The following NEGR1 variants were observed in gnomAD, a reference collection of about 807,000 sequenced individuals.
NEGR1 encodes the protein IgLON family member 4.
NEGR1 carries 10 observed loss-of-function variants against 40.9 expected under a neutral mutation model. That is an observed-to-expected ratio of 0.24 (90% CI 0.15 to 0.42). The LOEUF (loss-of-function observed/expected upper bound fraction) is 0.42. Among genes scored for constraint, NEGR1 ranks in the 10% least tolerant of loss-of-function variants. The probability of loss-of-function intolerance (pLI) is 1.00; values close to 1 mark genes in which losing one functional copy is unlikely to be tolerated. For synonymous variants in NEGR1, 185 were observed against 166.8 expected (o/e 1.11, Z -0.84); for missense variants, 352 against 438.9 (o/e 0.80, Z 1.77).
intron 1 of NEGR1, among the ~76,000 whole-genome samples, chr1:72,154,304 G>A (rs1305777123): frequency 6.6e-6 from 1 of 151,810 alleles, no homozygotes; most frequent in Non-Finnish European, 1.5e-5. Flanking sequence ...TTCAAATCAA[G>A]ACCCCTCCCC....
At chr1:72,020,270 G>A (rs918067302) in intron 1 of NEGR1, among the ~76,000 whole-genome samples, 1 of 152,110 alleles carries the variant, frequency 6.6e-6, no homozygotes, top group Non-Finnish European at 1.5e-5. Flanking sequence ...CTGAACACTT[G>A]CTTATCTGGA....
intron 1 of NEGR1, among the ~76,000 whole-genome samples, chr1:72,089,797 T>C (rs1459585930): frequency 6.6e-6 from 1 of 152,182 alleles, no homozygotes; most frequent in African/African-American, 2.4e-5. Context: ...GATTAAATTA[T>C]GGACTATTAA....
At chr1:71,667,603 A>G (rs1652286054) in intron 4 of NEGR1, among the ~76,000 whole-genome samples, 1 of 152,218 alleles carries the variant, frequency 6.6e-6, no homozygotes, top group African/African-American at 2.4e-5. Context: ...ATAGTCTTTT[A>G]CTTCATAATT....
chr1:72,188,916 T>C (rs537295413), intron 1 of NEGR1, among the ~76,000 whole-genome samples: 1 of 151,722 alleles, frequency 6.6e-6, no homozygotes, highest in Non-Finnish European at 1.5e-5. Context: ...AGGGATTAAT[T>C]CTTAACCTTT....
intron 1 of NEGR1, among the ~76,000 whole-genome samples, chr1:72,252,489 C>T (rs1655135418): frequency 6.6e-6 from 1 of 152,184 alleles, no homozygotes; most frequent in Non-Finnish European, 1.5e-5. Flanking sequence ...CCTAAAACCA[C>T]AAATTTGGTT....
chr1:71,582,334 A>C (rs891484276), intron 6 of NEGR1, among the ~76,000 whole-genome samples: 25 of 152,196 alleles, frequency 1.6e-4, no homozygotes, highest in African/African-American at 6.0e-4. Flanking sequence ...AATCTTATAA[A>C]ATATTTTGGA....
intron 2 of NEGR1, among the ~76,000 whole-genome samples, chr1:71,864,553 G>A (rs1265022464): frequency 1.3e-5 from 2 of 152,110 alleles, no homozygotes; most frequent in Non-Finnish European, 2.9e-5. Context: ...GTGAAAAGGT[G>A]GCAGATGGCA....
chr1:71,527,164 G>C (rs370440652), intron 6 of NEGR1, among the ~76,000 whole-genome samples: 1 of 151,548 alleles, frequency 6.6e-6, no homozygotes, highest in Admixed American at 6.6e-5. Flanking sequence ...CTCATTCATT[G>C]AAATGTGAGA....
intron 1 of NEGR1, among the ~76,000 whole-genome samples, chr1:72,252,453 A>C (rs1655134050): frequency 1.3e-5 from 2 of 152,208 alleles, no homozygotes; most frequent in South Asian, 2.1e-4. Context: ...AAGCTCAAAA[A>C]TATTTCAAAC....
Position 71,914,476 on chromosome 1 carries a change from A to C in NEGR1, c.409+20603T>G, listed in dbSNP as rs1661515671. Reference sequence around the variant, plus strand: ...CCAGGTAATGAAAACCAGATACTTTAAATTATTTCCATTCATTTGATCATC... The same window carrying C: ...CCAGGTAATGAAAACCAGATACTTTCAATTATTTCCATTCATTTGATCATC... On this transcript the variant is annotated intron_variant, in intron 2 of 6. Transcript: ENST00000357731. 2.6e-5 allele frequency among the ~76,000 whole-genome samples: 4 copies of C among 152,198 alleles called. No individual in the cohort carries two copies. In the South Asian group the frequency reaches 8.3e-4, roughly 31 times the overall value.
At chr1:71,735,812 C>G (rs1211487253) in intron 3 of NEGR1, among the ~76,000 whole-genome samples, 1 of 151,882 alleles carries the variant, frequency 6.6e-6, no homozygotes, top group African/African-American at 2.4e-5. Flanking sequence ...AGGGCCACAA[C>G]TGAAGGTGAG....
At position 71,711,229 on chromosome 1, in the gene NEGR1, C is replaced by T. The variant is rs1654072696; in HGVS notation, c.536-13090G>A. On this transcript the variant is annotated intron_variant, in intron 3 of 6. Coordinates refer to ENST00000357731, the MANE Select transcript of NEGR1 (RefSeq NM_173808.3). ...GTGCGGTGCCAGGCGCCTGCAGTCC[C>T]AGCTACGCGGGAGGCTGAGGCAGGA... Among the ~76,000 whole-genome samples the T allele has an allele frequency of 2.0e-5, 3 of 149,782 alleles. No individual in the cohort carries two copies. The South Asian group carries it at 6.3e-4, about 32-fold the overall frequency.
At chr1:71,461,515 A>G (rs1360356590) in intron 6 of NEGR1, 1 of 152,190 alleles carries the variant, frequency 6.6e-6, no homozygotes, top group Non-Finnish European at 1.5e-5. Context: ...CTGGCCGACA[A>G]AATTTTGCAA....
intron 3 of NEGR1, among the ~76,000 whole-genome samples, chr1:71,746,260 G>A (rs17091710): frequency 0.089 from 13,511 of 152,206 alleles, 827 homozygotes; most frequent in East Asian, 0.17. Context: ...AGAGCCATGT[G>A]TCAGGCTTTA....
chr1:71,938,186 C>G (rs1645926098), intron 1 of NEGR1, among the ~76,000 whole-genome samples: 1 of 151,928 alleles, frequency 6.6e-6, no homozygotes, highest in Non-Finnish European at 1.5e-5. Context: ...TAGAATTATT[C>G]TCAAATGTTC....
intron 6 of NEGR1, among the ~76,000 whole-genome samples, chr1:71,461,367 G>A (rs1288324930): frequency 1.3e-5 from 2 of 152,068 alleles, no homozygotes; most frequent in Non-Finnish European, 2.9e-5. Context: ...TGCATAATTA[G>A]CTAAATTAAC....
intron 1 of NEGR1, among the ~76,000 whole-genome samples, chr1:72,261,499 A>G (rs1361889216): frequency 4.6e-5 from 7 of 152,110 alleles, no homozygotes; most frequent in Non-Finnish European, 1.0e-4. Context: ...GCCAAAATGG[A>G]TATTTAACAT....
chr1:71,413,756 T>A (rs748840280), intron 6 of NEGR1, among the ~76,000 whole-genome samples: 1 of 152,148 alleles, frequency 6.6e-6, no homozygotes, highest in Non-Finnish European at 1.5e-5. Context: ...TTTGAGACTT[T>A]TTCCCGTTGT....
At chr1:71,617,551 A>G (rs1650485396) in intron 4 of NEGR1, among the ~76,000 whole-genome samples, 1 of 152,212 alleles carries the variant, frequency 6.6e-6, no homozygotes, top group Non-Finnish European at 1.5e-5. Flanking sequence ...GTGTTGGTAT[A>G]TGCATGGACG....
Sources: allele counts gnomAD v4.1 joint callset (sites outside exome capture counted in the v4.1 genomes callset), GRCh38; gene constraint gnomAD v4.1.1; transcripts MANE v1.5; gene names NCBI Gene and HGNC (gene_info 2026-07-23, HGNC 2026-07-21).